Variants in FCRL4 observed in about 807,000 individuals in gnomAD.
FCRL4 encodes Fc receptor-like protein 4.
Under a neutral mutation model 64.1 loss-of-function variants are expected in FCRL4, and 43 were observed. The observed-to-expected ratio is 0.67, with a 90% CI of 0.53 to 0.87. FCRL4 has a LOEUF of 0.87. Among genes scored for constraint, FCRL4 ranks in the 40% least tolerant of loss-of-function variants. The pLI, the probability that FCRL4 is intolerant of heterozygous loss-of-function variation, is 0.00. For synonymous variants in FCRL4, 253 were observed against 239.8 expected (o/e 1.05, Z -0.51); for missense variants, 656 against 613.5 (o/e 1.07, Z -0.73).
chr1:157,585,491 C>A (rs1161054652), intron 6 of FCRL4, among the ~76,000 whole-genome samples: 3 of 151,738 alleles, frequency 2.0e-5, no homozygotes, highest in Admixed American at 6.6e-5. Flanking sequence ...GTAAAGACCA[C>A]TTCCTTAGTG....
At chr1:157,579,241 G>T (rs1652491741) in intron 8 of FCRL4, among the ~76,000 whole-genome samples, 1 of 152,152 alleles carries the variant, frequency 6.6e-6, no homozygotes, top group African/African-American at 2.4e-5. Flanking sequence ...ATGGTGACAT[G>T]CACCTGTAGT....
chr1:157,594,813 A>G (rs1362406842), intron 2 of FCRL4, among the ~76,000 whole-genome samples: 1 of 152,232 alleles, frequency 6.6e-6, no homozygotes, highest in Non-Finnish European at 1.5e-5. Context: ...GAAAAAGAAA[A>G]TTGTAAAATA....
Position 157,574,747 on chromosome 1 carries a change from A to G in FCRL4, c.*777T>C, listed in dbSNP as rs1652361596. ...TTATCTTTTTTTAAAGGCAGAGTTT[A>G]TTATGAGTTTATACTAATATTTTAA... On this transcript the variant is annotated 3_prime_UTR_variant, in exon 12 of 12. Coordinates refer to ENST00000271532, the MANE Select transcript of FCRL4 (RefSeq NM_031282.3). The G allele has an allele frequency of 4.7e-6, 1 of 210,596 alleles. No homozygotes were observed. The highest frequency in any genetic ancestry group is 2.3e-5 in the African/African-American group (1 of 44,238). The allele number at this position is 210,596 out of a possible 1,614,324, so 13.0% of individuals were successfully genotyped here.
chr1:157,585,238 T>TCTTGC (rs1553276865), intron 6 of FCRL4, among the ~76,000 whole-genome samples: 5 of 150,122 alleles, frequency 3.3e-5, no homozygotes, highest in African/African-American at 1.2e-4. Context: ...CTCTTTCCTT[T>TCTTGC]CTTTCCTTTC....
intron 1 of FCRL4, 134 bp downstream of exon 1, chr1:157,597,780 C>T (rs1557794754): frequency 3.2e-6 from 2 of 615,690 alleles, no homozygotes; most frequent in Middle Eastern, 2.9e-4. Flanking sequence ...AAATCATTAT[C>T]TTTCCTTTTT....
intron 6 of FCRL4, among the ~76,000 whole-genome samples, chr1:157,585,387 TTTCTTTCC>T (rs542222580): frequency 0.13 from 12,911 of 101,150 alleles, 976 homozygotes; most frequent in Middle Eastern, 0.16. Flanking sequence ...TCTTTCTTTC[TTTCTTTCC>T]TTCTTTCTTT....
chr1:157,577,405 A>C (rs1420006173), intron 10 of FCRL4, among the ~76,000 whole-genome samples: 1 of 152,256 alleles, frequency 6.6e-6, no homozygotes, highest in Non-Finnish European at 1.5e-5. Flanking sequence ...ATAGGATTAA[A>C]GAAGTGAAGT....
At chr1:157,595,940 G>A (rs1224411478) in intron 2 of FCRL4, among the ~76,000 whole-genome samples, 4 of 152,216 alleles carry the variant, frequency 2.6e-5, no homozygotes, top group Non-Finnish European at 4.4e-5. Flanking sequence ...CACATGGTTA[G>A]TGGAAAAGCT....
chr1:157,589,191 CCTT>C lies in FCRL4; in HGVS notation c.307+10_307+12del. On this transcript the variant is annotated intron_variant, in intron 3 of 11. Transcript: ENST00000271532. ...CATTTATAAAGTTTCAACTAATTCA[CCTT>C]CTTTCTCACCTGAAGAAAAGAGCAA... is the stretch of plus-strand genomic sequence containing the variant. 6.2e-7 allele frequency: 1 copy of C among 1,609,480 alleles called. No homozygotes were observed. The highest frequency in any genetic ancestry group is 8.5e-7 in the Non-Finnish European group (1 of 1,176,826).
intron 2 of FCRL4, 99 bp downstream of exon 2, chr1:157,596,229 G>C (rs10489674): frequency 7.5e-7 from 1 of 1,338,828 alleles, no homozygotes; most frequent in East Asian, 2.3e-5. Context: ...CTCAGGAAAA[G>C]GATGAAATGG....
At chr1:157,586,051 G>A in intron 6 of FCRL4, 117 bp downstream of exon 6, 2 of 1,045,188 alleles carry the variant, frequency 1.9e-6, no homozygotes, top group Non-Finnish European at 2.8e-6. Context: ...TATCACAGTG[G>A]AGCATGGCAA....
chr1:157,587,464 C>T lies in FCRL4; in HGVS notation c.659G>A (p.Arg220Gln), dbSNP rs757855962. ...LSCETQLPPE[R>Q]SDTPLHFNFF... ...GTTGAAGTGAAGTGGGGTGTCTGAC[C>T]GCTCTGGAGGAAGCTGTGTTTCACA... The change falls in exon 5 of 12, where the codon CGG becomes CAG. Residue 220 changes from arginine to glutamine, a missense_variant. Arg to Gln is a conservative substitution (Grantham distance 43). Coordinates refer to ENST00000271532, the MANE Select transcript of FCRL4 (RefSeq NM_031282.3). 1.1e-5 allele frequency: 18 copies of T among 1,614,068 alleles called. No homozygotes were observed. Among genetic ancestry groups the T allele is most frequent in the Middle Eastern group, 1.6e-4 (1 of 6,084 alleles).
chr1:157,577,183 G>A (rs1366645311), intron 10 of FCRL4, among the ~76,000 whole-genome samples: 2 of 152,180 alleles, frequency 1.3e-5, no homozygotes, highest in Non-Finnish European at 2.9e-5. Flanking sequence ...TTTCTGAGGT[G>A]AGAGTAGCAG....
intron 5 of FCRL4, 127 bp from the exon 6 acceptor site, chr1:157,586,582 G>A: frequency 1.3e-6 from 1 of 758,262 alleles, no homozygotes; most frequent in African/African-American, 1.7e-5. Flanking sequence ...CACTAGCATT[G>A]TGGCCAATAG....
At chr1:157,578,028 C>A (rs1346230045) in intron 10 of FCRL4, among the ~76,000 whole-genome samples, 1 of 152,020 alleles carries the variant, frequency 6.6e-6, no homozygotes, top group Non-Finnish European at 1.5e-5. Flanking sequence ...TAAAATCTGA[C>A]AGTAATTAGA....
intron 2 of FCRL4, among the ~76,000 whole-genome samples, chr1:157,595,932 C>T (rs1652952137): frequency 2.0e-5 from 3 of 152,330 alleles, no homozygotes; most frequent in Non-Finnish European, 4.4e-5. Flanking sequence ...ATTTGTTACA[C>T]ATGGTTAGTG....
intron 6 of FCRL4, among the ~76,000 whole-genome samples, chr1:157,585,382 CT>C (rs778534909): frequency 2.3e-4 from 23 of 100,354 alleles, no homozygotes; most frequent in African/African-American, 8.9e-4. Context: ...TTCTTTCTTT[CT>C]TTCTTTCTTT....
At chr1:157,585,318 C>T (rs1179628233) in intron 6 of FCRL4, among the ~76,000 whole-genome samples, 3 of 139,186 alleles carry the variant, frequency 2.2e-5, no homozygotes, top group African/African-American at 8.3e-5. Context: ...TCCTTTCCTT[C>T]CTTCCTTCTC....
At chr1:157,593,847 A>G (rs1339900388) in intron 2 of FCRL4, among the ~76,000 whole-genome samples, 1 of 152,232 alleles carries the variant, frequency 6.6e-6, no homozygotes, top group Non-Finnish European at 1.5e-5. Flanking sequence ...CAACAAAAGT[A>G]ACTACAACAC....
Sources: gnomAD v4.1 joint callset for allele counts (sites outside exome capture counted in the v4.1 genomes callset) on GRCh38, gnomAD v4.1.1 for gene constraint, MANE v1.5 for transcripts, NCBI Gene and HGNC (gene_info 2026-07-23, HGNC 2026-07-21) for gene names.